The following FANCI variants were observed in gnomAD, a reference collection of about 807,000 sequenced individuals.
FANCI encodes the protein Fanconi anemia group I protein.
Under a neutral mutation model 176.1 loss-of-function variants are expected in FANCI, and 156 were observed. The observed-to-expected ratio is 0.89, with a 90% CI of 0.78 to 1.01. FANCI has a LOEUF of 1.01. Ranked by LOEUF, FANCI falls within the 50% of genes least tolerant of loss-of-function variation. The pLI, the probability that FANCI is intolerant of heterozygous loss-of-function variation, is 0.00. For missense variants in FANCI, 1,678 were observed against 1,534.1 expected, an observed-to-expected ratio of 1.09 and a Z score of -1.57; for synonymous variants, 613 against 541.7, an observed-to-expected ratio of 1.13 and a Z score of -1.83.
chr15:89,305,460 C>G, intron 30 of FANCI, 51 bp downstream of exon 30: 1 of 1,611,722 alleles, frequency 6.2e-7, no homozygotes, highest in Non-Finnish European at 8.5e-7. Context: ...TCTTTCCATT[C>G]TACTCCATGT....
At chr15:89,278,468 T>C (rs1399782537) in intron 13 of FANCI, among the ~76,000 whole-genome samples, 1 of 152,246 alleles carries the variant, frequency 6.6e-6, no homozygotes, top group Non-Finnish European at 1.5e-5. Flanking sequence ...TCTGTACTTT[T>C]AGGCTAATAA....
intron 17 of FANCI, among the ~76,000 whole-genome samples, chr15:89,283,533 T>C (rs933829681): frequency 1.3e-5 from 2 of 152,166 alleles, no homozygotes; most frequent in Admixed American, 1.3e-4. Context: ...CTAGTCCACA[T>C]TGTGTTGTGC....
chr15:89,280,117 G>A (rs981507752), intron 14 of FANCI, among the ~76,000 whole-genome samples: 1 of 152,194 alleles, frequency 6.6e-6, no homozygotes, highest in African/African-American at 2.4e-5. Flanking sequence ...CGCCTCCCGG[G>A]TTCAAGCAAT....
intron 14 of FANCI, among the ~76,000 whole-genome samples, chr15:89,280,046 G>A (rs746948240): frequency 2.0e-5 from 3 of 152,010 alleles, no homozygotes; most frequent in East Asian, 1.9e-4. Flanking sequence ...TTTTGAGATG[G>A]AGTCTCACTC....
chr15:89,296,338 G>A (rs1471770904), intron 24 of FANCI, among the ~76,000 whole-genome samples: 1 of 150,028 alleles, frequency 6.7e-6, no homozygotes, highest in Non-Finnish European at 1.5e-5. Context: ...GAACTCCTGG[G>A]CTCAAGCGAT....
chr15:89,258,053 T>C (rs988636474), intron 2 of FANCI, among the ~76,000 whole-genome samples: 2 of 151,990 alleles, frequency 1.3e-5, no homozygotes, highest in East Asian at 1.9e-4. Flanking sequence ...TTCTTTATTA[T>C]TCTCCAGCCA....
chr15:89,279,828 C>T (rs2053548002), intron 14 of FANCI, among the ~76,000 whole-genome samples: 1 of 152,136 alleles, frequency 6.6e-6, no homozygotes. Context: ...TCCTCCCAAC[C>T]TCACATCCAG....
At chr15:89,261,794 A>G (rs769468958) in intron 5 of FANCI, 27 bp from the exon 6 acceptor site, 11 of 1,613,984 alleles carry the variant, frequency 6.8e-6, no homozygotes, top group South Asian at 1.1e-5. Flanking sequence ...AATCAAATTC[A>G]TTGCTCAGTA....
intron 27 of FANCI, among the ~76,000 whole-genome samples, chr15:89,301,849 G>A (rs2054535147): frequency 6.6e-6 from 1 of 152,184 alleles, no homozygotes; most frequent in South Asian, 2.1e-4. Context: ...GACTTTCTCA[G>A]CACAGTTACC....
chr15:89,247,013 C>T (rs1423203031), intron 1 of FANCI, among the ~76,000 whole-genome samples: 1 of 151,354 alleles, frequency 6.6e-6, no homozygotes, highest in African/African-American at 2.4e-5. Context: ...TCGTGATCTG[C>T]CCTCCTCAGC....
Position 89,313,622 on chromosome 15 carries a change from T to C in FANCI, c.3720+650T>C, listed in dbSNP as rs116807722. On this transcript the variant is annotated intron_variant, in intron 35 of 37. Transcript: ENST00000310775. ...CAAAGGTGAAAATTAGTACAGCCTC[T>C]CCAGAGGCTTAGCAATGACTACTGA... Among the ~76,000 whole-genome samples the C allele has an allele frequency of 5.8e-3, 889 of 152,306 alleles. 7 individuals are homozygous for C. Among genetic ancestry groups the C allele is most frequent in the African/African-American group, 0.02 (848 of 41,552 alleles).
At chr15:89,252,247 C>T (rs1201877276) in intron 2 of FANCI, among the ~76,000 whole-genome samples, 5 of 151,054 alleles carry the variant, frequency 3.3e-5, no homozygotes, top group Non-Finnish European at 7.4e-5. Context: ...TTGCAGTGAG[C>T]CCAGATTGCA....
At chr15:89,298,279 T>A (rs1567169263) in intron 24 of FANCI, among the ~76,000 whole-genome samples, 2 of 151,572 alleles carry the variant, frequency 1.3e-5, no homozygotes, top group African/African-American at 4.8e-5. Context: ...CTCAGCAAAT[T>A]AAAAAAAAGT....
At chr15:89,251,646 A>G (rs979099298) in intron 2 of FANCI, among the ~76,000 whole-genome samples, 3 of 152,330 alleles carry the variant, frequency 2.0e-5, no homozygotes, top group African/African-American at 7.2e-5. Flanking sequence ...CACATTTAAA[A>G]AAAGTACACC....
chr15:89,309,905 C>T (rs2054888888), intron 34 of FANCI, among the ~76,000 whole-genome samples: 1 of 152,208 alleles, frequency 6.6e-6, no homozygotes, highest in African/African-American at 2.4e-5. Context: ...TCAAAAGTCA[C>T]ATTGTCTAAT....
chr15:89,268,641 T>G, intron 10 of FANCI, 116 bp downstream of exon 10: 1 of 1,313,524 alleles, frequency 7.6e-7, no homozygotes, highest in East Asian at 2.3e-5. Context: ...ACCCTGGGTG[T>G]GGAGGATCTC....
At chr15:89,247,507 C>A (rs1209486364) in intron 1 of FANCI, 122 bp from the exon 2 acceptor site, 2 of 743,656 alleles carry the variant, frequency 2.7e-6, no homozygotes, top group African/African-American at 1.7e-5. Context: ...AAAGATAGTC[C>A]TAAGTTTGTT....
intron 2 of FANCI, among the ~76,000 whole-genome samples, chr15:89,255,177 A>G (rs1596227586): frequency 1.3e-5 from 2 of 152,114 alleles, no homozygotes; most frequent in African/African-American, 4.8e-5. Context: ...AGTATTGATT[A>G]GTTGTTTTGC....
In FANCI at chr15:89,306,036, A is replaced by C. The variant is rs878854179; in HGVS notation, c.3379A>C (p.Asn1127His). The change falls in exon 32 of 38, where the codon AAT becomes CAT. Residue 1127 changes from asparagine to histidine, a missense_variant. By Grantham distance (68) the Asn-to-His change is moderately conservative (BLOSUM62 1). Coordinates refer to ENST00000310775, the MANE Select transcript of FANCI (RefSeq NM_001113378.2). ...GGCCTCTTCTCAGGCAACCCTACCA[A>C]ATCAGCCTGTTGAGAAAGCTATCAT... ...EEASSQATLPNQPVEKAIIMQ... is the reference protein window; with the variant it reads ...EEASSQATLPHQPVEKAIIMQ... 1 of 1,614,206 alleles carries C rather than the reference A, an allele frequency of 6.2e-7. No homozygotes were observed.
Sources: allele counts gnomAD v4.1 joint callset (sites outside exome capture counted in the v4.1 genomes callset), GRCh38; gene constraint gnomAD v4.1.1; transcripts MANE v1.5; gene names NCBI Gene and HGNC (gene_info 2026-07-23, HGNC 2026-07-21).